The following MYOZ2 variants were observed in gnomAD, a reference collection of about 807,000 sequenced individuals.
MYOZ2 encodes myozenin 2, also known as myozenin-2.
In MYOZ2, 19 loss-of-function variants were observed where a neutral mutation model predicts 25.4. The ratio of observed to expected loss-of-function variants is 0.75; its 90% CI spans 0.52 to 1.10. MYOZ2 has a LOEUF of 1.10. Among genes scored for constraint, MYOZ2 ranks in the 50% least tolerant of loss-of-function variants. MYOZ2 has a pLI of 0.00. For synonymous variants in MYOZ2, 92 were observed against 106.9 expected (o/e 0.86, Z 0.86); for missense variants, 270 against 317.9 (o/e 0.85, Z 1.15).
chr4:119,152,611 G>A (rs980566964), intron 3 of MYOZ2, among the ~76,000 whole-genome samples: 7 of 152,008 alleles, frequency 4.6e-5, no homozygotes, highest in Non-Finnish European at 1.5e-5. Flanking sequence ...GTGTTCGAAT[G>A]TGTTCTGGTT....
At chr4:119,143,377 G>A (rs1741216283) in intron 2 of MYOZ2, among the ~76,000 whole-genome samples, 1 of 151,986 alleles carries the variant, frequency 6.6e-6, no homozygotes, top group Admixed American at 6.6e-5. Context: ...TGTATTTTTA[G>A]TAGAGATGCG....
intron 5 of MYOZ2, among the ~76,000 whole-genome samples, chr4:119,174,868 C>T (rs956590548): frequency 3.9e-5 from 6 of 152,142 alleles, no homozygotes; most frequent in Non-Finnish European, 8.8e-5. Flanking sequence ...CAAAGATCTG[C>T]AGCTTCACTC....
At chr4:119,140,948 T>A (rs867694293) in intron 2 of MYOZ2, among the ~76,000 whole-genome samples, 266 of 152,282 alleles carry the variant, frequency 1.7e-3, no homozygotes, top group African/African-American at 6.0e-3. Context: ...AAAATCAACT[T>A]TTTTATGTAG....
chr4:119,137,307 C>A (rs1002207611), intron 2 of MYOZ2, among the ~76,000 whole-genome samples: 1 of 152,094 alleles, frequency 6.6e-6, no homozygotes, highest in Non-Finnish European at 1.5e-5. Context: ...TTATAACTTG[C>A]ATTTTGATTC....
chr4:119,165,232 G>A (rs1561122496), intron 5 of MYOZ2, among the ~76,000 whole-genome samples: 3 of 151,574 alleles, frequency 2.0e-5, no homozygotes, highest in South Asian at 2.1e-4. Flanking sequence ...TTAAGTGATC[G>A]GATGTGGTGG....
chr4:119,163,565 G>C (rs1021820557), intron 4 of MYOZ2, among the ~76,000 whole-genome samples: 5 of 152,154 alleles, frequency 3.3e-5, no homozygotes, highest in African/African-American at 1.2e-4. Flanking sequence ...GAATAAACTG[G>C]GGAGGTGAGA....
At chr4:119,182,094 A>G (rs142808173) in intron 5 of MYOZ2, among the ~76,000 whole-genome samples, 1 of 152,342 alleles carries the variant, frequency 6.6e-6, no homozygotes, top group African/African-American at 2.4e-5. Flanking sequence ...AAAACTTCTT[A>G]AAAGAGGAAA....
In MYOZ2 at chr4:119,158,079, C is replaced by A; in HGVS notation, c.304C>A (p.Gln102Lys). 2 of 1,613,990 alleles carry A rather than the reference C, an allele frequency of 1.2e-6. No homozygotes were observed. Among genetic ancestry groups the A allele is most frequent in the Non-Finnish European group, 8.5e-7 (1 of 1,179,938 alleles). Residue 102 changes from glutamine (Q) to lysine (K), a missense_variant, in exon 4 of 6, where the codon CAG becomes AAG. By Grantham distance (53) the Gln-to-Lys change is moderately conservative. Coordinates refer to ENST00000307128, the MANE Select transcript of MYOZ2 (RefSeq NM_016599.5). ...TGGAAGTAACTTGGAAGGTGGTTCG[C>A]AGCAAGCCCCCTTGACTCCTCCCAA... ...VDGSNLEGGS[Q>K]QAPLTPPNTP...
At chr4:119,154,891 A>ACACACAC in intron 3 of MYOZ2, among the ~76,000 whole-genome samples, 1 of 149,038 alleles carries the variant, frequency 6.7e-6, no homozygotes, top group African/African-American at 2.5e-5. Flanking sequence ...ACACACACAC[A>ACACACAC]ATGCCTTTCT....
chr4:119,144,383 C>T (rs1050897256), intron 2 of MYOZ2, among the ~76,000 whole-genome samples: 2 of 152,114 alleles, frequency 1.3e-5, no homozygotes, highest in Non-Finnish European at 2.9e-5. Flanking sequence ...GGGTTGTTTT[C>T]AGTTTTTGAT....
At chr4:119,161,058 G>C (rs1741697237) in intron 4 of MYOZ2, among the ~76,000 whole-genome samples, 2 of 151,860 alleles carry the variant, frequency 1.3e-5, no homozygotes, top group Admixed American at 6.6e-5. Flanking sequence ...TCTCTCTACT[G>C]TTCCCAGCCT....
chr4:119,144,386 T>C (rs1311393541), intron 2 of MYOZ2, among the ~76,000 whole-genome samples: 3 of 152,206 alleles, frequency 2.0e-5, no homozygotes, highest in Non-Finnish European at 4.4e-5. Context: ...TTGTTTTCAG[T>C]TTTTGATTAT....
rs760388570 is a variant in MYOZ2 at position 119,150,894 on chromosome 4, C to G, written c.99C>G (p.Gly33=). 5 of 1,613,786 alleles carry G rather than the reference C, an allele frequency of 3.1e-6. No individual in the cohort carries two copies. In the South Asian group the frequency reaches 5.5e-5, roughly 18 times the overall value. The change falls in exon 3 of 6, where the codon GGC becomes GGG. Residue 33 remains glycine (G), a synonymous_variant. Transcript: ENST00000307128. ...HGNDVDGMDL[G]KKVSIPRDIM... is the part of the protein sequence containing the mutation. ...CAGATGTTGATGGCATGGACCTGGG[C>G]AAAAAGGTCAGCATCCCCAGAGACA...
intron 5 of MYOZ2, among the ~76,000 whole-genome samples, chr4:119,184,898 A>C (rs1742259852): frequency 6.6e-6 from 1 of 152,194 alleles, no homozygotes; most frequent in South Asian, 2.1e-4. Flanking sequence ...TTAAAAGGAG[A>C]AGCTCAATAC....
At chr4:119,140,687 C>T (rs1319091094) in intron 2 of MYOZ2, among the ~76,000 whole-genome samples, 4 of 152,126 alleles carry the variant, frequency 2.6e-5, no homozygotes, top group Admixed American at 6.5e-5. Flanking sequence ...TTCCATCATC[C>T]TAACTTTCTT....
chr4:119,178,489 C>T (rs896576012), intron 5 of MYOZ2, among the ~76,000 whole-genome samples: 5 of 152,220 alleles, frequency 3.3e-5, no homozygotes, highest in African/African-American at 9.6e-5. Flanking sequence ...TCTGCCCCAT[C>T]TCAGTAAATT....
intron 3 of MYOZ2, among the ~76,000 whole-genome samples, chr4:119,154,610 G>C (rs946046134): frequency 2.0e-5 from 3 of 151,922 alleles, no homozygotes; most frequent in African/African-American, 7.3e-5. Flanking sequence ...TGTAAGTTTA[G>C]GTGAAATTCA....
intron 5 of MYOZ2, 45 bp from the exon 6 acceptor site, chr4:119,185,921 A>G (rs755847797): frequency 4.0e-6 from 6 of 1,491,972 alleles, no homozygotes; most frequent in Non-Finnish European, 5.6e-6. Context: ...ATTTTGACAA[A>G]TTTGAATATT....
chr4:119,173,791 G>T (rs1741993831), intron 5 of MYOZ2, among the ~76,000 whole-genome samples: 1 of 152,190 alleles, frequency 6.6e-6, no homozygotes, highest in Non-Finnish European at 1.5e-5. Flanking sequence ...TGGAGGGAGA[G>T]GCCCGAGCGG....
Sources: gnomAD v4.1 joint callset for allele counts (sites outside exome capture counted in the v4.1 genomes callset) on GRCh38, gnomAD v4.1.1 for gene constraint, MANE v1.5 for transcripts, NCBI Gene and HGNC (gene_info 2026-07-23, HGNC 2026-07-21) for gene names.